Variants in RHOBTB2 observed in about 807,000 individuals in gnomAD.
RHOBTB2 encodes the protein Rho related BTB domain containing 2, also known as rho-related BTB domain-containing protein 2.
RHOBTB2 carries 39 observed loss-of-function variants against 66.5 expected under a neutral mutation model. The observed-to-expected ratio is 0.59, with a 90% CI of 0.45 to 0.77. The LOEUF (loss-of-function observed/expected upper bound fraction) is 0.77. RHOBTB2 is among the 30% of genes least tolerant of loss of function. The pLI is 0.00. For missense variants in RHOBTB2, 755 were observed against 999.1 expected, an observed-to-expected ratio of 0.76 and a Z score of 3.29; for synonymous variants, 390 against 395.0, an observed-to-expected ratio of 0.99 and a Z score of 0.15.
At chr8:22,995,056 G>A (rs540628488), upstream of RHOBTB2, among the ~76,000 whole-genome samples, 233 of 152,050 alleles carry the variant, frequency 1.5e-3, no homozygotes, top group Middle Eastern at 3.4e-3. Context: ...ATGAGCCACC[G>A]CGCCAGGTTC....
the RHOBTB2 span, among the ~76,000 whole-genome samples, chr8:22,981,194 C>T: frequency 6.6e-6 from 1 of 152,228 alleles, no homozygotes; most frequent in South Asian, 2.1e-4. Context: ...TGTTGTAAAG[C>T]AAGTTGTCAG....
chr8:22,990,755 TA>T (rs1810405131), intron 1 of RHOBTB2, among the ~76,000 whole-genome samples: 1 of 152,128 alleles, frequency 6.6e-6, no homozygotes, highest in Non-Finnish European at 1.5e-5. Flanking sequence ...CAATGGGCAG[TA>T]CAGCAGCAGC....
At chr8:22,991,683 T>C (rs930718233) in intron 1 of RHOBTB2, among the ~76,000 whole-genome samples, 3 of 152,126 alleles carry the variant, frequency 2.0e-5, no homozygotes, top group African/African-American at 7.2e-5. Context: ...CTGACTTGCA[T>C]TGTCATTTGG....
At chr8:22,971,350 ATT>A in the RHOBTB2 span, among the ~76,000 whole-genome samples, 34 of 144,262 alleles carry the variant, frequency 2.4e-4, no homozygotes, top group Admixed American at 6.2e-4. Context: ...ACGCCCATCT[ATT>A]TTTTTTTTTT....
At chr8:22,955,125 T>C in the RHOBTB2 span, among the ~76,000 whole-genome samples, 3 of 152,208 alleles carry the variant, frequency 2.0e-5, no homozygotes, top group Non-Finnish European at 4.4e-5. Context: ...AGTGAGACTC[T>C]GTCTCAAAAA....
chr8:22,971,750 C>G, the RHOBTB2 span, among the ~76,000 whole-genome samples: 1 of 152,174 alleles, frequency 6.6e-6, no homozygotes, highest in Non-Finnish European at 1.5e-5. Flanking sequence ...GCCAGTCTAT[C>G]CTTTGAATGT....
intron 2 of RHOBTB2, among the ~76,000 whole-genome samples, chr8:22,993,413 A>G (rs1408424359): frequency 6.6e-6 from 1 of 152,074 alleles, no homozygotes; most frequent in Non-Finnish European, 1.5e-5. Flanking sequence ...CAGAGGCACA[A>G]ATGGGAGGTG....
At chr8:22,960,422 G>A in the RHOBTB2 span, among the ~76,000 whole-genome samples, 5 of 150,240 alleles carry the variant, frequency 3.3e-5, no homozygotes, top group African/African-American at 7.4e-5. Context: ...GGGTTCAAGC[G>A]ATTCTCCTGC....
At chr8:22,980,772 C>T in the RHOBTB2 span, among the ~76,000 whole-genome samples, 2 of 152,148 alleles carry the variant, frequency 1.3e-5, no homozygotes, top group Admixed American at 6.5e-5. Flanking sequence ...GCTCTAAATT[C>T]CAAGGAATCT....
In RHOBTB2 at chr8:23,017,158, T is replaced by C; in HGVS notation, c.1967-94T>C. 6.6e-7 allele frequency: 1 copy of C among 1,524,468 alleles called. No individual in the cohort carries two copies. Among genetic ancestry groups the C allele is most frequent in the Non-Finnish European group, 9.0e-7 (1 of 1,116,038 alleles). 94.4% of individuals were successfully genotyped at this position (1,524,468 alleles called of 1,614,324 possible). A position where few individuals can be genotyped will look rare whatever the true frequency, so the allele number is the denominator to read the frequency against. On this transcript the variant is annotated intron_variant, in intron 9 of 9. Coordinates refer to ENST00000251822, the MANE Select transcript of RHOBTB2 (RefSeq NM_015178.3). This position sits in a 1 kb window ranked among gnomAD's most constrained non-coding sequence, Gnocchi z 5.3. Reference sequence around the variant, plus strand: ...TGTGCTGGGGGCTGGGCTGGAGGCCTGCTGCAGGCCTTGTGGTGGGGTAGG... The same window carrying C: ...TGTGCTGGGGGCTGGGCTGGAGGCCCGCTGCAGGCCTTGTGGTGGGGTAGG...
the RHOBTB2 span, among the ~76,000 whole-genome samples, chr8:22,978,605 A>C: frequency 6.6e-6 from 1 of 151,300 alleles, no homozygotes; most frequent in African/African-American, 2.4e-5. Context: ...TTATGTTTGC[A>C]AACATTTACA....
chr8:22,995,721 T>A, upstream of RHOBTB2: 1 of 826,416 alleles, frequency 1.2e-6, no homozygotes. Context: ...CTGCTTTTGC[T>A]CATGGCTGGT....
intron 2 of RHOBTB2, among the ~76,000 whole-genome samples, chr8:22,993,747 C>T (rs1046340552): frequency 4.6e-5 from 7 of 152,194 alleles, no homozygotes; most frequent in African/African-American, 1.2e-4. Context: ...CACAGAAGTG[C>T]CCTTCCATCC....
chr8:22,990,904 C>T (rs1810409429), intron 1 of RHOBTB2, among the ~76,000 whole-genome samples: 1 of 152,238 alleles, frequency 6.6e-6, no homozygotes, highest in African/African-American at 2.4e-5. Context: ...GTCTGGCCTG[C>T]TTGCCTGCCT....
chr8:23,006,054 C>T lies in RHOBTB2; in HGVS notation c.391C>T (p.Pro131Ser). Residue 131 changes from proline (P) to serine (S), a missense_variant, in exon 4 of 10, where the codon CCC becomes TCC. Physicochemically the swap from Pro to Ser is moderately conservative, Grantham distance 74 (BLOSUM62 -1). Transcript: ENST00000251822. This position sits in a 1 kb window ranked among gnomAD's most constrained non-coding sequence, Gnocchi z 6.1. ...MWYPEIKHFC[P>S]RAPVILVGCQ... is the part of the protein sequence containing the mutation. ...GTACCCAGAAATCAAGCACTTCTGC[C>T]CCCGAGCACCTGTCATCTTGGTGGG... The T allele has an allele frequency of 6.2e-7, 1 of 1,614,120 alleles. No individual in the cohort carries two copies. Among genetic ancestry groups the T allele is most frequent in the Non-Finnish European group, 8.5e-7 (1 of 1,180,016 alleles).
the RHOBTB2 span, among the ~76,000 whole-genome samples, chr8:22,956,634 A>G: frequency 6.6e-6 from 1 of 152,048 alleles, no homozygotes; most frequent in African/African-American, 2.4e-5. Context: ...AAACCTTTCT[A>G]AATTACTCAA....
the RHOBTB2 span, among the ~76,000 whole-genome samples, chr8:22,962,375 T>C: frequency 1.3e-5 from 2 of 152,130 alleles, no homozygotes; most frequent in Non-Finnish European, 2.9e-5. Context: ...TGACGTACTT[T>C]TCATTAAAAT....
chr8:22,995,757 T>C (rs1039770250), upstream of RHOBTB2: 5 of 1,250,490 alleles, frequency 4.0e-6, no homozygotes, highest in African/African-American at 1.5e-5. Flanking sequence ...AGCTGCAGGG[T>C]AGGAACACCA....
rs1811324175 is a variant in RHOBTB2, at chr8:23,017,387, G to C, written c.2102G>C (p.Trp701Ser). The C allele has an allele frequency of 6.2e-7, 1 of 1,614,154 alleles. No homozygotes were observed. Among genetic ancestry groups the C allele is most frequent in the Middle Eastern group, 1.6e-4 (1 of 6,062 alleles). ...CTCAAGCGGCAGCCCAAACGGCGTT[G>C]GCTCTTCTGGAACAGTCCATCCTCC... ...LHLKRQPKRRWLFWNSPSSPS... is the reference protein window; with the variant it reads ...LHLKRQPKRRSLFWNSPSSPS... The change falls in exon 10 of 10, where the codon TGG (tryptophan) becomes TCG (serine). Residue 701 changes from tryptophan to serine, a missense_variant. This residue lies in a region of RHOBTB2 where 353 missense variants were observed against 458.2 expected (regional missense o/e 0.77). Transcript: ENST00000251822. The surrounding 1 kb of genome is among the most constrained non-coding windows in gnomAD (Gnocchi z 5.3).
Sources: gnomAD v4.1 joint callset for allele counts (sites outside exome capture counted in the v4.1 genomes callset) on GRCh38, gnomAD v4.1.1 for gene constraint, gnomAD v4.1.1 regional missense constraint, Gnocchi (gnomAD v3.1) non-coding constraint, MANE v1.5 for transcripts, NCBI Gene and HGNC (gene_info 2026-07-23, HGNC 2026-07-21) for gene names.